Variants in FSD1L observed in about 807,000 individuals in gnomAD.
The protein encoded by FSD1L is fibronectin type III and SPRY domain containing 1 like.
A neutral mutation model predicts 71.6 loss-of-function variants in FSD1L; 45 were observed. The ratio of observed to expected loss-of-function variants is 0.63; its 90% CI spans 0.49 to 0.81. FSD1L has a LOEUF of 0.81. Ranked by LOEUF, FSD1L falls within the 30% of genes least tolerant of loss-of-function variation. The pLI, the probability that FSD1L is intolerant of heterozygous loss-of-function variation, is 0.00. For missense variants in FSD1L, 561 were observed against 618.1 expected (o/e 0.91, Z 0.98); for synonymous variants, 197 against 207.2 (o/e 0.95, Z 0.42).
chr9:105,452,271 C>T (rs186093739), intron 1 of FSD1L, among the ~76,000 whole-genome samples: 60 of 152,304 alleles, frequency 3.9e-4, no homozygotes, highest in African/African-American at 1.4e-3. Context: ...TCCAAAATTA[C>T]GCCTCAGTTA....
At chr9:105,505,568 A>C (rs755684079) in intron 7 of FSD1L, among the ~76,000 whole-genome samples, 6 of 151,918 alleles carry the variant, frequency 3.9e-5, no homozygotes, top group Non-Finnish European at 5.9e-5. Context: ...CTGTTTTTTG[A>C]ATTTTCTACA....
chr9:105,526,984 T>C (rs1006442158), intron 10 of FSD1L, among the ~76,000 whole-genome samples: 17 of 149,356 alleles, frequency 1.1e-4, no homozygotes, highest in Admixed American at 1.0e-3. Flanking sequence ...GATGTACCTG[T>C]TAATACACAG....
At position 105,535,259 on chromosome 9, in the gene FSD1L, T is replaced by C; in HGVS notation, c.1319T>C (p.Val440Ala). ...NTFAAKHNNK[V>A]KALDVTVPEK... is the part of the protein sequence containing the mutation. Reference sequence around the variant, plus strand: ...TTTGCAGCAAAGCATAATAATAAAGTCAAAGCTTTGGATGTTACTGTTCCT... The same window carrying C: ...TTTGCAGCAAAGCATAATAATAAAGCCAAAGCTTTGGATGTTACTGTTCCT... The change falls in exon 12 of 14, where the codon GTC becomes GCC. Residue 440 changes from valine (V) to alanine (A), a missense_variant. Val to Ala is a moderately conservative substitution (Grantham distance 64). Coordinates refer to ENST00000481272, the MANE Select transcript of FSD1L (RefSeq NM_001145313.3). 1 of 1,551,626 alleles carries C rather than the reference T, an allele frequency of 6.4e-7. No homozygotes were observed. Among genetic ancestry groups the C allele is most frequent in the Non-Finnish European group, 8.7e-7 (1 of 1,146,878 alleles).
intron 7 of FSD1L, among the ~76,000 whole-genome samples, chr9:105,495,025 T>C (rs1253918764): frequency 6.6e-6 from 1 of 152,120 alleles, no homozygotes; most frequent in African/African-American, 2.4e-5. Flanking sequence ...GCCACTGCTC[T>C]CTTCAAAGCT....
At chr9:105,540,176 C>G (rs1836520704) in intron 13 of FSD1L, among the ~76,000 whole-genome samples, 1 of 152,056 alleles carries the variant, frequency 6.6e-6, no homozygotes, top group East Asian at 1.9e-4. Context: ...TTTTGTCCTT[C>G]TAGTGGATGA....
chr9:105,469,409 A>G (rs1048006794), intron 4 of FSD1L, among the ~76,000 whole-genome samples: 1 of 150,946 alleles, frequency 6.6e-6, no homozygotes. Context: ...CAATTTCTTC[A>G]TGTGCTTGCC....
intron 9 of FSD1L, among the ~76,000 whole-genome samples, chr9:105,511,906 T>C (rs1834414501): frequency 6.6e-6 from 1 of 152,128 alleles, no homozygotes; most frequent in Non-Finnish European, 1.5e-5. Context: ...TTTCTTAATA[T>C]ATACTAGAAG....
chr9:105,491,204 C>G (rs1564107772), intron 7 of FSD1L, among the ~76,000 whole-genome samples: 1 of 151,730 alleles, frequency 6.6e-6, no homozygotes, highest in Non-Finnish European at 1.5e-5. Context: ...TGTAGTTCTC[C>G]TTGAAGAGGT....
Position 105,461,357 on chromosome 9 carries a change from C to CAA in FSD1L, c.16-155_16-154dup, listed in dbSNP as rs916700628. On this transcript the variant is annotated intron_variant, in intron 1 of 13. Coordinates refer to ENST00000481272, the MANE Select transcript of FSD1L (RefSeq NM_001145313.3). ...AAACTGAATTTTGAACACTCCGTAC[C>CAA]AAAAAAAAAGAAAAACTCATTAATT... Among the ~76,000 whole-genome samples, 117 of 147,628 alleles carry CAA rather than the reference C, an allele frequency of 7.9e-4. 1 individual carries two copies. The highest frequency in any genetic ancestry group is 2.9e-3 in the African/African-American group (116 of 40,254).
chr9:105,448,669 G>C (rs1194298534), intron 1 of FSD1L, among the ~76,000 whole-genome samples: 1 of 152,138 alleles, frequency 6.6e-6, no homozygotes, highest in Non-Finnish European at 1.5e-5. Flanking sequence ...CTTTCTCCTC[G>C]ACCAAGTCTC....
chr9:105,543,541 G>A (rs1050735242), intron 13 of FSD1L, among the ~76,000 whole-genome samples: 8 of 151,918 alleles, frequency 5.3e-5, no homozygotes, highest in South Asian at 4.2e-4. Context: ...CCATTAACTC[G>A]TCATTTACCT....
chr9:105,495,032 A>C (rs564651570), intron 7 of FSD1L, among the ~76,000 whole-genome samples: 61 of 151,932 alleles, frequency 4.0e-4, no homozygotes, highest in Non-Finnish European at 7.9e-4. Context: ...CTCTCTTCAA[A>C]GCTGTCAGGG....
chr9:105,529,383 T>C (rs1251988749), intron 10 of FSD1L, among the ~76,000 whole-genome samples: 1 of 152,078 alleles, frequency 6.6e-6, no homozygotes, highest in Non-Finnish European at 1.5e-5. Flanking sequence ...CAGATGTCCA[T>C]CAATGATAGA....
At chr9:105,521,524 G>T in intron 10 of FSD1L, 1 of 1,613,942 alleles carries the variant, frequency 6.2e-7, no homozygotes, top group Non-Finnish European at 8.5e-7. Flanking sequence ...TTACCAATTT[G>T]TGAAGCAGCA....
chr9:105,520,398 A>G (rs910892384), intron 10 of FSD1L: 3 of 1,145,886 alleles, frequency 2.6e-6, no homozygotes, highest in Admixed American at 3.8e-5. Flanking sequence ...CAGTTTTTCG[A>G]CAACATTTTT....
intron 10 of FSD1L, chr9:105,523,786 G>C: frequency 6.3e-6 from 10 of 1,598,050 alleles, no homozygotes; most frequent in Non-Finnish European, 8.6e-6. Context: ...ATAATGCATT[G>C]TGGATTACTT....
chr9:105,466,092 C>A (rs1487133523), intron 3 of FSD1L, among the ~76,000 whole-genome samples: 1 of 151,872 alleles, frequency 6.6e-6, no homozygotes. Flanking sequence ...AGTATTGCTT[C>A]TATACATGAA....
intron 5 of FSD1L, among the ~76,000 whole-genome samples, chr9:105,478,500 T>C (rs1831960467): frequency 6.6e-6 from 1 of 152,172 alleles, no homozygotes; most frequent in African/African-American, 2.4e-5. Context: ...TGTCTATGTC[T>C]GATATATTGT....
At chr9:105,531,903 A>T (rs1443831556) in intron 10 of FSD1L, among the ~76,000 whole-genome samples, 1 of 152,102 alleles carries the variant, frequency 6.6e-6, no homozygotes, top group Admixed American at 6.6e-5. Flanking sequence ...CTTCCTTTTC[A>T]TGTCTTCTTT....
Sources: allele counts gnomAD v4.1 joint callset (sites outside exome capture counted in the v4.1 genomes callset), GRCh38; gene constraint gnomAD v4.1.1; transcripts MANE v1.5; gene names NCBI Gene and HGNC (gene_info 2026-07-23, HGNC 2026-07-21).